The following STPG2 variants were observed in gnomAD, a reference collection of about 807,000 sequenced individuals.
STPG2 encodes sperm-tail PG-rich repeat-containing protein 2.
Under a neutral mutation model 54.2 loss-of-function variants are expected in STPG2, and 56 were observed. That is an observed-to-expected ratio of 1.03 (90% confidence interval 0.83 to 1.29). STPG2 has a LOEUF of 1.29. Ranked by LOEUF, STPG2 falls within the 50% of genes most tolerant of loss-of-function variation. The probability of loss-of-function intolerance (pLI) is 0.00; values close to 1 mark genes in which losing one functional copy is unlikely to be tolerated. For missense variants in STPG2, 596 were observed against 544.9 expected (o/e 1.09, Z -0.93); for synonymous variants, 200 against 181.8 (o/e 1.10, Z -0.81).
chr4:97,866,300 C>G (rs1252494356), intron 8 of STPG2, among the ~76,000 whole-genome samples: 2 of 151,788 alleles, frequency 1.3e-5, no homozygotes, highest in African/African-American at 2.4e-5. Context: ...TGATAAATAC[C>G]TCACTTACTA....
chr4:97,471,446 T>C (rs115993760), intron 4 of STPG2, among the ~76,000 whole-genome samples: 311 of 152,296 alleles, frequency 2.0e-3, no homozygotes, highest in African/African-American at 7.4e-3. Flanking sequence ...AATAATGCTA[T>C]TGCTAATAAT....
chr4:97,831,241 T>C (rs1049081992), intron 9 of STPG2, among the ~76,000 whole-genome samples: 3 of 152,052 alleles, frequency 2.0e-5, no homozygotes, highest in African/African-American at 7.2e-5. Context: ...CACAACTACA[T>C]GGAAACTGAA....
In STPG2 at chr4:98,050,583, T is replaced by C. The variant is rs373396540; in HGVS notation, c.612+55370A>G. Among the ~76,000 whole-genome samples the C allele has an allele frequency of 3.3e-5, 5 of 152,168 alleles. No individual in the cohort carries two copies. In the East Asian group the frequency reaches 9.6e-4, roughly 29 times the overall value. ...CATACTCACAGGAGTTGAGGAACAT[T>C]GAATCTGAGGGAGAGCCTGAATTCC... is the stretch of plus-strand genomic sequence containing the variant. On this transcript the variant is annotated intron_variant, in intron 5 of 10. Coordinates refer to ENST00000295268, the MANE Select transcript of STPG2 (RefSeq NM_174952.3).
chr4:97,587,829 A>G (rs1508459), intron 10 of STPG2, among the ~76,000 whole-genome samples: 20,160 of 151,976 alleles, frequency 0.13, 4,127 homozygotes, highest in African/African-American at 0.44. Context: ...AACATTAGGG[A>G]TAATCCTGAC....
chr4:97,608,895 C>T (rs1653168075), intron 10 of STPG2, among the ~76,000 whole-genome samples: 1 of 151,950 alleles, frequency 6.6e-6, no homozygotes, highest in Admixed American at 6.6e-5. Context: ...TTTCAGTGTA[C>T]CAGATTCTCA....
At chr4:97,574,706 C>G (rs534897831) in intron 10 of STPG2, among the ~76,000 whole-genome samples, 2 of 151,754 alleles carry the variant, frequency 1.3e-5, no homozygotes, top group East Asian at 3.9e-4. Flanking sequence ...TCCTTTTCAG[C>G]AAAAAAGTGG....
chr4:97,561,844 C>T (rs1436838268), intron 10 of STPG2, among the ~76,000 whole-genome samples: 1 of 152,102 alleles, frequency 6.6e-6, no homozygotes, highest in African/African-American at 2.4e-5. Flanking sequence ...GTTATTGTAG[C>T]CTTGTAGTAT....
At position 97,449,861 on chromosome 4, in the gene STPG2, T is replaced by C. The variant is rs78201935; in HGVS notation, c.463-262028A>G. 4.6e-5 allele frequency among the ~76,000 whole-genome samples: 7 copies of C among 152,260 alleles called. No individual in the cohort carries two copies. In the East Asian group the frequency reaches 1.4e-3, roughly 29 times the overall value. The stretch of plus-strand genomic sequence containing the variant: ...GCACACAGCCAGGGCAATCCACATA[T>C]CCTATTGTTTTGATTTTGCATAGAT... On this transcript the variant is annotated intron_variant, in intron 4 of 4. Transcript: ENST00000522676.
intron 3 of STPG2, among the ~76,000 whole-genome samples, chr4:98,112,425 A>G (rs188044583): frequency 6.1e-4 from 93 of 152,206 alleles, no homozygotes; most frequent in African/African-American, 2.1e-3. Context: ...AATATACTCT[A>G]TGATGTTCAC....
chr4:98,137,385 G>T (rs1040512707), intron 1 of STPG2, among the ~76,000 whole-genome samples: 1 of 151,676 alleles, frequency 6.6e-6, no homozygotes, highest in African/African-American at 2.4e-5. Flanking sequence ...AATAAAAAAG[G>T]CCAAAAAGAA....
chr4:98,136,675 G>C (rs1223150161), intron 1 of STPG2, among the ~76,000 whole-genome samples: 1 of 151,744 alleles, frequency 6.6e-6, no homozygotes, highest in African/African-American at 2.4e-5. Flanking sequence ...CATTATAGCA[G>C]ATGTAGAAGT....
chr4:97,811,842 G>A (rs1357245218), intron 9 of STPG2, among the ~76,000 whole-genome samples: 1 of 152,014 alleles, frequency 6.6e-6, no homozygotes, highest in Non-Finnish European at 1.5e-5. Flanking sequence ...TGGAAGGATT[G>A]TTAGCCTATC....
At chr4:97,825,067 C>T (rs915559116) in intron 9 of STPG2, among the ~76,000 whole-genome samples, 1 of 151,782 alleles carries the variant, frequency 6.6e-6, no homozygotes, top group Non-Finnish European at 1.5e-5. Context: ...TAAAAGTCAG[C>T]TTAATTGAAA....
At chr4:98,019,221 T>C (rs1442584842) in intron 5 of STPG2, among the ~76,000 whole-genome samples, 1 of 152,216 alleles carries the variant, frequency 6.6e-6, no homozygotes, top group Non-Finnish European at 1.5e-5. Flanking sequence ...GGATCCAGTT[T>C]CAGCTTTCTA....
At chr4:97,837,548 A>G (rs574026993) in intron 9 of STPG2, among the ~76,000 whole-genome samples, 3 of 151,790 alleles carry the variant, frequency 2.0e-5, no homozygotes, top group African/African-American at 7.2e-5. Flanking sequence ...ACTTGGTGTA[A>G]TAAGAAAAGA....
rs1259605825 is a variant in STPG2, at chr4:98,061,614, A to G, written c.612+44339T>C. On this transcript the variant is annotated intron_variant, in intron 5 of 10. Transcript: ENST00000295268. ...CTTAAACAAATTTACAAGAAAAAAA[A>G]AATTTTAAAAAGTGAGCAAAGTACA... 2.4e-5 allele frequency among the ~76,000 whole-genome samples: 3 copies of G among 127,434 alleles called. 1 individual carries two copies. In the East Asian group the frequency reaches 6.4e-4, roughly 27 times the overall value. 83.6% of individuals were successfully genotyped at this position (127,434 alleles called of 152,430 possible).
At chr4:97,632,711 G>T (rs1721331210) in intron 10 of STPG2, among the ~76,000 whole-genome samples, 1 of 152,124 alleles carries the variant, frequency 6.6e-6, no homozygotes, top group Non-Finnish European at 1.5e-5. Flanking sequence ...TGAGACTGCA[G>T]TGAGATACAG....
At chr4:97,885,560 A>G (rs2149169234) in intron 8 of STPG2, among the ~76,000 whole-genome samples, 1 of 152,372 alleles carries the variant, frequency 6.6e-6, no homozygotes, top group Middle Eastern at 3.4e-3. Context: ...TGAAGAAAAT[A>G]GCATAATATA....
At chr4:98,085,488 A>T (rs190323716) in intron 5 of STPG2, among the ~76,000 whole-genome samples, 71 of 152,202 alleles carry the variant, frequency 4.7e-4, no homozygotes, top group Non-Finnish European at 1.6e-4. Flanking sequence ...AATAACTGAC[A>T]TCTTAATAGT....
Sources: allele counts gnomAD v4.1 joint callset (sites outside exome capture counted in the v4.1 genomes callset), GRCh38; gene constraint gnomAD v4.1.1; transcripts MANE v1.5; gene names NCBI Gene and HGNC (gene_info 2026-07-23, HGNC 2026-07-21).